Variants in ANKRD26 observed in about 807,000 individuals in gnomAD.
ANKRD26 encodes ankyrin repeat domain 26.
ANKRD26 carries 141 observed loss-of-function variants against 208.7 expected under a neutral mutation model. That is an observed-to-expected ratio of 0.68 (90% CI 0.59 to 0.78). ANKRD26 has a LOEUF of 0.78. ANKRD26 is among the 30% of genes least tolerant of loss of function. The pLI, the probability that ANKRD26 is intolerant of heterozygous loss-of-function variation, is 0.00. For synonymous variants in ANKRD26, 636 were observed against 660.4 expected (o/e 0.96, Z 0.57); for missense variants, 1,889 against 1,938.7 (o/e 0.97, Z 0.48).
intron 5 of ANKRD26, among the ~76,000 whole-genome samples, chr10:27,085,502 T>G (rs1485187381): frequency 6.6e-6 from 1 of 152,204 alleles, no homozygotes; most frequent in East Asian, 1.9e-4. Context: ...TAAGAATAAG[T>G]AACATGACTT....
intron 10 of ANKRD26, 74 bp from the exon 11 acceptor site, chr10:27,066,622 A>G: frequency 1.1e-6 from 1 of 944,554 alleles, no homozygotes; most frequent in Non-Finnish European, 1.6e-6. Flanking sequence ...AATTAAATAC[A>G]TATACAAGTC....
chr10:27,061,213 C>A lies in ANKRD26; in HGVS notation c.1393G>T (p.Gly465Ter), dbSNP rs1450989427. Residue 465 changes from glycine (G) to a stop codon, truncating the protein, a stop_gained, in exon 13 of 34, where the codon GGA (glycine) becomes TGA (stop). Transcript: ENST00000376087. LOFTEE classifies it high-confidence loss of function. ...DVFYIPSCMS[G>*]SRNFKMAKLE... is the part of the protein sequence containing the mutation. ...TTAGCCATCTTAAAGTTTCTTGATC[C>A]ACTCATGCAAGAAGGTATATAAAAC... 6.2e-7 allele frequency: 1 copy of A among 1,609,642 alleles called. No individual in the cohort carries two copies. The highest frequency in any genetic ancestry group is 8.5e-7 in the Non-Finnish European group (1 of 1,176,626).
chr10:27,040,705 C>T (rs1169638065), intron 20 of ANKRD26, among the ~76,000 whole-genome samples: 1 of 152,074 alleles, frequency 6.6e-6, no homozygotes, highest in African/African-American at 2.4e-5. Context: ...TGGACTCAGG[C>T]AATGAACACA....
intron 16 of ANKRD26, chr10:27,051,141 A>G: frequency 1.6e-6 from 2 of 1,290,302 alleles, no homozygotes; most frequent in East Asian, 5.5e-5. Flanking sequence ...AAACCTTTGC[A>G]TATCTTGCTG....
intron 32 of ANKRD26, among the ~76,000 whole-genome samples, chr10:27,008,913 C>T (rs2052991002): frequency 6.6e-6 from 1 of 152,102 alleles, no homozygotes; most frequent in Admixed American, 6.6e-5. Context: ...AATCTCGGCT[C>T]ACTGTAACCT....
chr10:27,033,208 T>C lies in ANKRD26; in HGVS notation c.3807+17A>G, dbSNP rs531475064. On this transcript the variant is annotated intron_variant, in intron 25 of 33. Transcript: ENST00000376087. ...AGTTATAGATTAACTGTTTGACATG[T>C]TAAATTTCATACATACTTGATTTCT... 1 of 1,596,870 alleles carries C rather than the reference T, an allele frequency of 6.3e-7. No individual in the cohort carries two copies. Among genetic ancestry groups the C allele is most frequent in the Admixed American group, 1.7e-5 (1 of 59,412 alleles).
At chr10:27,029,883 G>C (rs557081728) in intron 25 of ANKRD26, among the ~76,000 whole-genome samples, 2 of 152,090 alleles carry the variant, frequency 1.3e-5, no homozygotes, top group Non-Finnish European at 2.9e-5. Context: ...GGGAATGGCC[G>C]GGTGGGAATC....
intron 15 of ANKRD26, 24 bp downstream of exon 15, chr10:27,060,321 T>G: frequency 6.5e-7 from 1 of 1,540,758 alleles, no homozygotes; most frequent in Non-Finnish European, 9.0e-7. Flanking sequence ...CCTTCCAAGA[T>G]TAAATATATA....
At chr10:27,078,880 T>C (rs2055797484) in intron 7 of ANKRD26, among the ~76,000 whole-genome samples, 1 of 142,780 alleles carries the variant, frequency 7.0e-6, no homozygotes, top group Non-Finnish European at 1.5e-5. Flanking sequence ...TCCCTCAAAG[T>C]ACTTATCAAT....
In ANKRD26 at chr10:27,004,959, G is replaced by T; in HGVS notation, c.*631C>A. On this transcript the variant is annotated 3_prime_UTR_variant, in exon 34 of 34. Coordinates refer to ENST00000376087, the MANE Select transcript of ANKRD26 (RefSeq NM_014915.3). ...AATGCCCACTAAAGTAATCAGGGGT[G>T]ATGACATAATGTCAGCAATTTACTC... 1.2e-6 allele frequency: 1 copy of T among 827,058 alleles called. No individual in the cohort carries two copies. The highest frequency in any genetic ancestry group is 1.5e-6 in the Non-Finnish European group (1 of 685,734). The allele number at this position is 827,058 out of a possible 1,614,324, so 51.2% of individuals were successfully genotyped here. A position where few individuals can be genotyped will look rare whatever the true frequency, so the allele number is the denominator to read the frequency against.
intron 30 of ANKRD26, among the ~76,000 whole-genome samples, 170 bp downstream of exon 30, chr10:27,017,332 A>G (rs2053330142): frequency 6.6e-6 from 1 of 152,238 alleles, no homozygotes; most frequent in Non-Finnish European, 1.5e-5. Context: ...CAATTTAGTT[A>G]TAATAATGAT....
the ANKRD26 span, among the ~76,000 whole-genome samples, chr10:26,955,162 C>T: frequency 1.3e-5 from 2 of 151,894 alleles, no homozygotes; most frequent in East Asian, 3.9e-4. Flanking sequence ...GGCGCAGTAG[C>T]TCATGCCCAT....
chr10:27,037,981 T>G lies in ANKRD26; in HGVS notation c.2449A>C (p.Arg817=), dbSNP rs1554779459. The change falls in exon 22 of 34, where the codon AGA becomes CGA. Residue 817 remains arginine (R), a synonymous_variant. Coordinates refer to ENST00000376087, the MANE Select transcript of ANKRD26 (RefSeq NM_014915.3). ...TTCCTATATTGCTCTTCTTTTCTTC[T>G]TAACTGTTCCCTAATTTTTTCATAC... The part of the protein sequence containing the change: ...TLYEKIREQL[R]RKEEQYRKEV... 1 of 1,613,058 alleles carries G rather than the reference T, an allele frequency of 6.2e-7. No individual in the cohort carries two copies. Among genetic ancestry groups the G allele is most frequent in the Non-Finnish European group, 8.5e-7 (1 of 1,179,768 alleles).
downstream of ANKRD26, among the ~76,000 whole-genome samples, chr10:27,002,437 C>A (rs372171412): frequency 2.0e-5 from 3 of 152,340 alleles, no homozygotes; most frequent in South Asian, 6.2e-4. Flanking sequence ...TTTCCTCCTA[C>A]ATCCCAAAGC....
intron 11 of ANKRD26, among the ~76,000 whole-genome samples, chr10:27,064,559 T>C (rs1242315330): frequency 6.6e-6 from 1 of 152,174 alleles, no homozygotes; most frequent in Non-Finnish European, 1.5e-5. Flanking sequence ...TTTCTAATTA[T>C]AGAAATATTT....
intron 5 of ANKRD26, among the ~76,000 whole-genome samples, chr10:26,994,584 A>G (rs2134688431): frequency 6.6e-6 from 1 of 152,258 alleles, no homozygotes; most frequent in East Asian, 1.9e-4. Context: ...TTTTATGGCC[A>G]TTCCCCAGAT....
chr10:27,091,613 G>A (rs906015571), intron 4 of ANKRD26, among the ~76,000 whole-genome samples: 4 of 152,210 alleles, frequency 2.6e-5, no homozygotes, highest in African/African-American at 9.6e-5. Flanking sequence ...TGCTATTGAT[G>A]TTTAACACAG....
intron 1 of ANKRD26, among the ~76,000 whole-genome samples, chr10:27,095,848 T>C (rs1269625178): frequency 1.3e-5 from 2 of 152,106 alleles, no homozygotes; most frequent in Admixed American, 6.6e-5. Context: ...TTGACCTGAA[T>C]GAATGCACTC....
intron 21 of ANKRD26, among the ~76,000 whole-genome samples, chr10:27,038,791 G>GC (rs1423835771): frequency 1.3e-5 from 2 of 151,780 alleles, no homozygotes; most frequent in African/African-American, 4.8e-5. Flanking sequence ...ATGAAATATT[G>GC]CAAGTATCCC....
Sources: gnomAD v4.1 joint callset for allele counts (sites outside exome capture counted in the v4.1 genomes callset) on GRCh38, gnomAD v4.1.1 for gene constraint, MANE v1.5 for transcripts, NCBI Gene and HGNC (gene_info 2026-07-23, HGNC 2026-07-21) for gene names.